The following ZMYM1 variants were observed in gnomAD, a reference collection of about 807,000 sequenced individuals.
ZMYM1 encodes the protein zinc finger MYM-type containing 1.
ZMYM1 carries 39 observed loss-of-function variants against 60.0 expected under a neutral mutation model. The ratio of observed to expected loss-of-function variants is 0.65; its 90% confidence interval spans 0.50 to 0.85. ZMYM1 has a LOEUF of 0.85. ZMYM1 is among the 40% of genes least tolerant of loss of function. The probability of loss-of-function intolerance (pLI) is 0.00; values close to 1 mark genes in which losing one functional copy is unlikely to be tolerated. For missense variants in ZMYM1, 1,171 were observed against 1,309.5 expected (o/e 0.89, Z 1.63); for synonymous variants, 413 against 454.0 (o/e 0.91, Z 1.15).
intron 1 of ZMYM1, among the ~76,000 whole-genome samples, chr1:35,089,187 T>G (rs530354006): frequency 9.2e-5 from 14 of 152,312 alleles, no homozygotes; most frequent in African/African-American, 3.1e-4. Context: ...TACTTTGTTT[T>G]GTTTTATCTT....
chr1:35,100,843 C>T (rs553526929), intron 4 of ZMYM1, among the ~76,000 whole-genome samples: 3 of 151,776 alleles, frequency 2.0e-5, no homozygotes, highest in African/African-American at 7.3e-5. Context: ...CTGTCTGTCA[C>T]CCAGGTTGGA....
intron 1 of ZMYM1, among the ~76,000 whole-genome samples, chr1:35,091,579 C>G (rs1643005040): frequency 6.6e-6 from 1 of 151,804 alleles, no homozygotes; most frequent in African/African-American, 2.4e-5. Context: ...GAAAAACAGC[C>G]CATAGGTGAT....
At chr1:35,078,121 T>A (rs1350961551), upstream of ZMYM1, among the ~76,000 whole-genome samples, 2 of 152,204 alleles carry the variant, frequency 1.3e-5, no homozygotes, top group African/African-American at 4.8e-5. Flanking sequence ...TTTCTAATCC[T>A]AACAGTCTAA....
chr1:35,068,639 CAA>C (rs765098508), intron 1 of ZMYM1, among the ~76,000 whole-genome samples: 2,767 of 137,818 alleles, frequency 0.02, 103 homozygotes, highest in African/African-American at 0.067. Context: ...AATCCATACG[CAA>C]AAAAAAAAAT....
At chr1:35,103,233 C>A (rs1323215597) in intron 4 of ZMYM1, among the ~76,000 whole-genome samples, 1 of 152,138 alleles carries the variant, frequency 6.6e-6, no homozygotes, top group Non-Finnish European at 1.5e-5. Context: ...AGTAAAACAC[C>A]TTAAACACTA....
intron 1 of ZMYM1, 30 bp from the exon 2 acceptor site, chr1:35,093,884 A>G: frequency 1.2e-6 from 1 of 805,030 alleles, no homozygotes; most frequent in Non-Finnish European, 1.9e-6. Context: ...TAATTTTAAA[A>G]TCAAACTCTT....
chr1:35,076,705 G>C (rs1330067722), upstream of ZMYM1, among the ~76,000 whole-genome samples: 12 of 144,658 alleles, frequency 8.3e-5, no homozygotes, highest in Non-Finnish European at 1.7e-4. Flanking sequence ...GGCTGAGGTG[G>C]GCAGATCACT....
chr1:35,091,907 AAAG>A (rs1275293280), intron 1 of ZMYM1, among the ~76,000 whole-genome samples: 11 of 151,252 alleles, frequency 7.3e-5, no homozygotes, highest in Non-Finnish European at 1.2e-4. Context: ...AAAAAAAAAA[AAAG>A]AGAAAAAGAC....
At chr1:35,088,213 A>G (rs1263501546) in intron 1 of ZMYM1, among the ~76,000 whole-genome samples, 1 of 151,292 alleles carries the variant, frequency 6.6e-6, no homozygotes, top group African/African-American at 2.4e-5. Flanking sequence ...AGGTCAGGTG[A>G]TCGAGACCAT....
Position 35,115,194 on chromosome 1 carries a change from C to G in ZMYM1, c.3364C>G (p.Leu1122Val). The change falls in exon 10 of 10, where the codon CTA becomes GTA. Residue 1122 changes from leucine to valine, a missense_variant. Transcript: ENST00000359858. ...MAVEQELVNK[L>V]MEPERLNEIV... ...TGTTGAGCAGGAGTTGGTAAATAAA[C>G]TAATGGAGCCTGAAAGACTCAATGA... The G allele has an allele frequency of 6.2e-7, 1 of 1,611,198 alleles. No homozygotes were observed.
rs750848210 is a variant in ZMYM1, at chr1:35,089,906, C to CTT, written c.-74-3993_-74-3992dup. On this transcript the variant is annotated intron_variant, in intron 1 of 9. Transcript: ENST00000359858. ...GACTACAGGTGCCCGATATAAGGCT[C>CTT]TTTTTTTTTTTTTTTTGAGACAGAG... is the stretch of plus-strand genomic sequence containing the variant. 8.5e-3 allele frequency among the ~76,000 whole-genome samples: 1,075 copies of CTT among 126,670 alleles called. 23 individuals carry two copies. The highest frequency in any genetic ancestry group is 0.03 in the African/African-American group (1,012 of 33,422). 83.1% of individuals were successfully genotyped at this position (126,670 alleles called of 152,430 possible). A position where few individuals can be genotyped will look rare whatever the true frequency, so the allele number is the denominator to read the frequency against.
intron 1 of ZMYM1, among the ~76,000 whole-genome samples, chr1:35,072,412 A>G (rs1257740843): frequency 6.6e-6 from 1 of 151,718 alleles, no homozygotes; most frequent in Non-Finnish European, 1.5e-5. Flanking sequence ...CTTCTTTTTC[A>G]TCTGTCATTT....
Position 35,064,181 on chromosome 1 carries a change from G to A in ZMYM1, c.-301+4256G>A, listed in dbSNP as rs185782764. On this transcript the variant is annotated intron_variant, in intron 1 of 10. Transcript: ENST00000417119. Reference sequence around the variant, plus strand: ...TCTACTAAAAATATAAAAATCAGCCGGGCGTGATTGTGCACATCTGTAATC... The same window carrying A: ...TCTACTAAAAATATAAAAATCAGCCAGGCGTGATTGTGCACATCTGTAATC... 1.8e-3 allele frequency among the ~76,000 whole-genome samples: 278 copies of A among 151,446 alleles called. 1 individual carries two copies. The highest frequency in any genetic ancestry group is 0.01 in the Middle Eastern group (3 of 294).
chr1:35,082,489 C>G (rs1642440214), intron 1 of ZMYM1, among the ~76,000 whole-genome samples: 1 of 151,658 alleles, frequency 6.6e-6, no homozygotes, highest in Non-Finnish European at 1.5e-5. Context: ...CACCACCATA[C>G]CCAGCTAATT....
chr1:35,090,979 T>G (rs1642966553), intron 1 of ZMYM1, among the ~76,000 whole-genome samples: 1 of 152,014 alleles, frequency 6.6e-6, no homozygotes, highest in Admixed American at 6.6e-5. Flanking sequence ...AAAGGTAGAT[T>G]GATCTAATTT....
chr1:35,109,758 T>C (rs3104445), intron 6 of ZMYM1, among the ~76,000 whole-genome samples: 2,506 of 152,008 alleles, frequency 0.016, 66 homozygotes, highest in African/African-American at 0.056. Context: ...TTTTTTTTTT[T>C]CCCTTGAAAA....
At chr1:35,092,536 C>T (rs1467807141) in intron 1 of ZMYM1, among the ~76,000 whole-genome samples, 2 of 152,192 alleles carry the variant, frequency 1.3e-5, no homozygotes, top group Non-Finnish European at 2.9e-5. Flanking sequence ...CCACTGTGCC[C>T]GGCCAACAGG....
chr1:35,067,448 T>A (rs1641990649), intron 1 of ZMYM1, among the ~76,000 whole-genome samples: 1 of 151,892 alleles, frequency 6.6e-6, no homozygotes, highest in Non-Finnish European at 1.5e-5. Context: ...CCACCATGCC[T>A]GGCTAATTTT....
chr1:35,065,598 T>C (rs900346282), intron 1 of ZMYM1, among the ~76,000 whole-genome samples: 8 of 151,550 alleles, frequency 5.3e-5, no homozygotes, highest in Non-Finnish European at 1.2e-4. Flanking sequence ...TGGCATTAAT[T>C]CGTTAGAAAA....
Sources: allele counts gnomAD v4.1 joint callset (sites outside exome capture counted in the v4.1 genomes callset), GRCh38; gene constraint gnomAD v4.1.1; transcripts MANE v1.5; gene names NCBI Gene and HGNC (gene_info 2026-07-23, HGNC 2026-07-21).